CBR4: variants seen among roughly 807,000 people sequenced by gnomAD.
CBR4 encodes the protein 3-oxoacyl-[acyl-carrier-protein] reductase.
Under a neutral mutation model 21.0 loss-of-function variants are expected in CBR4, and 22 were observed. The observed-to-expected ratio is 1.05, with a 90% CI of 0.75 to 1.50. The LOEUF is 1.50. Ranked by LOEUF, CBR4 falls within the 40% of genes most tolerant of loss-of-function variation. CBR4 has a pLI of 0.00. For missense variants in CBR4, 302 were observed against 286.3 expected, an observed-to-expected ratio of 1.05 and a Z score of -0.40; for synonymous variants, 100 against 104.4, an observed-to-expected ratio of 0.96 and a Z score of 0.26.
At chr4:168,961,864 T>C (rs1017547172) in intron 2 of CBR4, among the ~76,000 whole-genome samples, 34 of 150,310 alleles carry the variant, frequency 2.3e-4, no homozygotes, top group Admixed American at 6.6e-4. Flanking sequence ...CACTCCAGCC[T>C]GGGCAACAGA....
At chr4:168,916,768 C>T (rs1373932493) in intron 2 of CBR4, among the ~76,000 whole-genome samples, 1 of 149,046 alleles carries the variant, frequency 6.7e-6, no homozygotes, top group Non-Finnish European at 1.5e-5. Flanking sequence ...GCAACCTCTG[C>T]CTCCTGGGTC....
chr4:168,927,159 A>C, intron 2 of CBR4: 1 of 229,494 alleles, frequency 4.4e-6, no homozygotes, highest in Non-Finnish European at 8.7e-6. Flanking sequence ...CAAACCACCC[A>C]AATGACCAAG....
intron 4 of CBR4, among the ~76,000 whole-genome samples, chr4:169,000,609 G>A (rs1189219149): frequency 6.6e-6 from 1 of 152,148 alleles, no homozygotes; most frequent in Non-Finnish European, 1.5e-5. Context: ...AAAATAAACT[G>A]CCTTTTCTTA....
chr4:168,898,271 C>T (rs1050121863), intron 2 of CBR4: 11 of 576,516 alleles, frequency 1.9e-5, no homozygotes, highest in African/African-American at 1.9e-4. Flanking sequence ...TTCCTACCCC[C>T]CTCTTTTTGG....
At chr4:168,994,056 G>A (rs1765058204) in intron 4 of CBR4, among the ~76,000 whole-genome samples, 1 of 152,224 alleles carries the variant, frequency 6.6e-6, no homozygotes, top group Non-Finnish European at 1.5e-5. Context: ...ATAGTGTGGA[G>A]TGGGAAATCA....
At chr4:168,947,441 G>C (rs1763423407) in intron 2 of CBR4, among the ~76,000 whole-genome samples, 1 of 152,048 alleles carries the variant, frequency 6.6e-6, no homozygotes, top group Non-Finnish European at 1.5e-5. Flanking sequence ...GGTTACATGA[G>C]TAAGTTCTTT....
chr4:168,994,847 C>A (rs1025361090), intron 4 of CBR4, among the ~76,000 whole-genome samples: 4 of 151,024 alleles, frequency 2.6e-5, no homozygotes, highest in Non-Finnish European at 5.9e-5. Flanking sequence ...CTCCGCCTCC[C>A]GGGTTCAAAC....
At chr4:168,963,742 G>T (rs1285462422) in intron 2 of CBR4, among the ~76,000 whole-genome samples, 1 of 151,928 alleles carries the variant, frequency 6.6e-6, no homozygotes, top group Non-Finnish European at 1.5e-5. Context: ...AGTGGTGGGA[G>T]GCATGAGCCA....
chr4:168,989,505 G>A lies in CBR4; in HGVS notation c.*645C>T. 2.0e-6 allele frequency: 2 copies of A among 985,348 alleles called. No individual in the cohort carries two copies. Among genetic ancestry groups the A allele is most frequent in the African/African-American group, 1.7e-5 (1 of 57,350 alleles). 61.0% of individuals were successfully genotyped at this position (985,348 alleles called of 1,614,324 possible). A position where few individuals can be genotyped will look rare whatever the true frequency, so the allele number is the denominator to read the frequency against. On this transcript the variant is annotated 3_prime_UTR_variant, in exon 5 of 5. Transcript: ENST00000306193. ...TAATGAATACTATGTTTTGCAACCT[G>A]TATAAAAACTGATCACCCAAGCACA...
intron 1 of CBR4, among the ~76,000 whole-genome samples, chr4:169,009,473 G>T (rs1731209112): frequency 6.6e-6 from 1 of 152,216 alleles, no homozygotes; most frequent in Non-Finnish European, 1.5e-5. Flanking sequence ...GCCAAGGCAC[G>T]GCCCTTGGGC....
downstream of CBR4, among the ~76,000 whole-genome samples, chr4:168,985,590 T>C (rs1278877523): frequency 6.6e-6 from 1 of 152,152 alleles, no homozygotes; most frequent in Non-Finnish European, 1.5e-5. Flanking sequence ...CATGCCCTCA[T>C]TGCGGCACTG....
chr4:168,897,572 A>G (rs572433380), intron 2 of CBR4, among the ~76,000 whole-genome samples: 2 of 152,158 alleles, frequency 1.3e-5, no homozygotes, highest in South Asian at 4.2e-4. Flanking sequence ...TCAGCCTCCC[A>G]AGTAGCTGGG....
intron 2 of CBR4, among the ~76,000 whole-genome samples, chr4:168,963,754 C>A (rs952926109): frequency 6.6e-6 from 1 of 152,002 alleles, no homozygotes; most frequent in Non-Finnish European, 1.5e-5. Context: ...CATGAGCCAC[C>A]GCGCCCAACC....
chr4:168,953,264 G>A (rs184367648), intron 2 of CBR4, among the ~76,000 whole-genome samples: 153 of 151,138 alleles, frequency 1.0e-3, no homozygotes, highest in African/African-American at 2.3e-3. Flanking sequence ...TACTCCCACC[G>A]TGCCCCCCCG....
intron 2 of CBR4, among the ~76,000 whole-genome samples, chr4:168,958,678 A>C (rs189076838): frequency 2.0e-5 from 3 of 152,334 alleles, no homozygotes; most frequent in African/African-American, 7.2e-5. Flanking sequence ...CCCACCGGCA[A>C]CAAAGTTCTA....
chr4:168,932,531 A>G (rs944207484), intron 2 of CBR4, among the ~76,000 whole-genome samples: 2 of 152,212 alleles, frequency 1.3e-5, no homozygotes, highest in Non-Finnish European at 2.9e-5. Context: ...ACAGCAAAAA[A>G]CTTCCCAAGT....
chr4:168,915,512 C>T (rs1759911691), intron 2 of CBR4, among the ~76,000 whole-genome samples: 1 of 152,050 alleles, frequency 6.6e-6, no homozygotes, highest in Admixed American at 6.6e-5. Context: ...CTTTTAATTT[C>T]CTACAAATTT....
rs1762169437 is a variant in CBR4, at chr4:168,924,359, C to T, written n.170-29594G>A. 1 of 1,613,752 alleles carries T rather than the reference C, an allele frequency of 6.2e-7. No individual in the cohort carries two copies. The highest frequency in any genetic ancestry group is 1.3e-5 in the African/African-American group (1 of 74,880). ...GGAATGTCGTGTATTGGGAGTGCCA[C>T]CACCTCAGATATTTTGGAAGAAAGA... On this transcript the variant is annotated intron_variant and non_coding_transcript_variant, in intron 2 of 3. Transcript: ENST00000509108.
intron 2 of CBR4, among the ~76,000 whole-genome samples, chr4:168,952,045 C>A (rs1763555657): frequency 6.6e-6 from 1 of 152,190 alleles, no homozygotes. Flanking sequence ...TCCTCAGGAA[C>A]ACCAAATATT....
Sources: gnomAD v4.1 joint callset for allele counts (sites outside exome capture counted in the v4.1 genomes callset) on GRCh38, gnomAD v4.1.1 for gene constraint, MANE v1.5 for transcripts, NCBI Gene and HGNC (gene_info 2026-07-23, HGNC 2026-07-21) for gene names.